GNAS-AS1: variants seen among roughly 807,000 people sequenced by gnomAD.
GNAS-AS1 encodes the protein GNAS antisense RNA 1 (non-protein coding).
rs1217574440 is a variant in GNAS-AS1 at position 58,848,970 on chromosome 20, T to C, written n.375-53A>G. ...AAGGGGGAATATCAGGGTTAAATAC[T>C]GGGATTTATTCTTCCTAGTCTTAAT... On this transcript the variant is annotated intron_variant and non_coding_transcript_variant, in intron 1 of 4. Transcript: ENST00000424094. 5 of 398,466 alleles carry C rather than the reference T, an allele frequency of 1.3e-5. No individual in the cohort carries two copies. The East Asian group carries it at 1.4e-4, about 11-fold the overall frequency. The allele number at this position is 398,466 out of a possible 1,614,324, so 24.7% of individuals were successfully genotyped here.
At chr20:58,829,312 G>A (rs2085540071) in intron 4 of GNAS-AS1, among the ~76,000 whole-genome samples, 2 of 152,148 alleles carry the variant, frequency 1.3e-5, no homozygotes, top group South Asian at 2.1e-4. Context: ...CACCTCCCTA[G>A]ACCCAGCTAC....
chr20:58,820,510 C>T (rs2085478807), intron 4 of GNAS-AS1, among the ~76,000 whole-genome samples: 1 of 152,224 alleles, frequency 6.6e-6, no homozygotes, highest in Admixed American at 6.5e-5. Flanking sequence ...ACTAGTGAAC[C>T]TTCTCTACAC....
At position 58,840,713 on chromosome 20, in the gene GNAS-AS1, G is replaced by A; in HGVS notation, n.819+1224C>T. ...CAAGCCCGAGGACAAAGATCCAAGG[G>A]ACCCCGAAGAGTCGAAGGAGCCCAA... On this transcript the variant is annotated intron_variant and non_coding_transcript_variant, in intron 4 of 4. Coordinates refer to ENST00000424094, the Ensembl canonical transcript of GNAS-AS1. This position sits in a 1 kb window ranked among gnomAD's most constrained non-coding sequence, Gnocchi z 6.0. The A allele has an allele frequency of 6.2e-7, 1 of 1,603,782 alleles. No homozygotes were observed. Among genetic ancestry groups the A allele is most frequent in the Non-Finnish European group, 8.5e-7 (1 of 1,179,546 alleles).
rs1002304696 is a variant in GNAS-AS1, at chr20:58,840,111, A to T, written n.819+1826T>A. 6.2e-7 allele frequency: 1 copy of T among 1,610,674 alleles called. No homozygotes were observed. Among genetic ancestry groups the T allele is most frequent in the Non-Finnish European group, 8.5e-7 (1 of 1,179,892 alleles). On this transcript the variant is annotated intron_variant and non_coding_transcript_variant, in intron 4 of 4. Coordinates refer to ENST00000424094, the Ensembl canonical transcript of GNAS-AS1. The surrounding 1 kb of genome is among the most constrained non-coding windows in gnomAD (Gnocchi z 6.0). Reference sequence around the variant, plus strand: ...TCTCGGTGTGTGCCTAAGAGGATGGATCGGAGGTCCCGGGCTCAGCAGTGG... The same window carrying T: ...TCTCGGTGTGTGCCTAAGAGGATGGTTCGGAGGTCCCGGGCTCAGCAGTGG...
At chr20:58,822,577 C>A (rs1291784789) in intron 4 of GNAS-AS1, among the ~76,000 whole-genome samples, 1 of 152,204 alleles carries the variant, frequency 6.6e-6, no homozygotes, top group East Asian at 1.9e-4. Flanking sequence ...TCGAAACATA[C>A]CATGTATCTG....
At chr20:58,847,369 G>A (rs1169720991) in intron 2 of GNAS-AS1, among the ~76,000 whole-genome samples, 1 of 152,250 alleles carries the variant, frequency 6.6e-6, no homozygotes, top group South Asian at 2.1e-4. Context: ...GCAGATAGCA[G>A]TATGCTGCTG....
chr20:58,837,782 A>G (rs1206872880), intron 4 of GNAS-AS1, among the ~76,000 whole-genome samples: 1 of 152,208 alleles, frequency 6.6e-6, no homozygotes, highest in Non-Finnish European at 1.5e-5. Flanking sequence ...ACAGAGTGCA[A>G]GATACAAGCT....
At chr20:58,826,094 C>G (rs1038876531) in intron 4 of GNAS-AS1, 1 of 398,534 alleles carries the variant, frequency 2.5e-6, no homozygotes, top group Non-Finnish European at 4.4e-6. Flanking sequence ...GTTCACCCAA[C>G]TGCATAAGTG....
exon 1 of GNAS-AS1, chr20:58,850,721 G>C: frequency 2.5e-6 from 1 of 398,846 alleles, no homozygotes; most frequent in Non-Finnish European, 4.4e-6. Context: ...ACACACCCAA[G>C]GGTTGGCCCC....
chr20:58,844,237 G>A lies in GNAS-AS1; in HGVS notation n.414-1692C>T, dbSNP rs561476127. 1.1e-4 allele frequency among the ~76,000 whole-genome samples: 17 copies of A among 152,318 alleles called. No individual in the cohort carries two copies. In the South Asian group the frequency reaches 3.5e-3, roughly 32 times the overall value. ...TCTCCTAACTGCTTACCTGGAAGGT[G>A]ACCTATCACAAAAACCAAATCACTA... On this transcript the variant is annotated intron_variant and non_coding_transcript_variant, in intron 2 of 4. Transcript: ENST00000424094.
chr20:58,837,144 T>C (rs1416211117), intron 4 of GNAS-AS1, among the ~76,000 whole-genome samples: 1 of 152,162 alleles, frequency 6.6e-6, no homozygotes, highest in Admixed American at 6.5e-5. Flanking sequence ...TCAAAGGGCA[T>C]TTACTAGCAC....
intron 4 of GNAS-AS1, among the ~76,000 whole-genome samples, chr20:58,835,106 A>G (rs1048128545): frequency 6.6e-6 from 1 of 151,570 alleles, no homozygotes; most frequent in Non-Finnish European, 1.5e-5. Flanking sequence ...GGGAGGGGCC[A>G]ATACCAAATT....
In GNAS-AS1 at chr20:58,840,838, T is replaced by C. The variant is rs780175640; in HGVS notation, n.819+1099A>G. 6.2e-7 allele frequency: 1 copy of C among 1,612,762 alleles called. No homozygotes were observed. The highest frequency in any genetic ancestry group is 1.1e-5 in the South Asian group (1 of 91,068). ...AAAAGGGACCCATCCCCATCCGGCG[T>C]CACTAATGGAGGACGCCGTCCAGAT... On this transcript the variant is annotated intron_variant and non_coding_transcript_variant, in intron 4 of 4. Coordinates refer to ENST00000424094, the Ensembl canonical transcript of GNAS-AS1. This position sits in a 1 kb window ranked among gnomAD's most constrained non-coding sequence, Gnocchi z 6.0.
chr20:58,820,665 C>T (rs975778593), intron 4 of GNAS-AS1, among the ~76,000 whole-genome samples: 7 of 152,270 alleles, frequency 4.6e-5, no homozygotes, highest in African/African-American at 1.7e-4. Context: ...TTCCATGTGA[C>T]TGGGGAAGCC....
chr20:58,830,747 C>T (rs921900656), intron 4 of GNAS-AS1, among the ~76,000 whole-genome samples: 7 of 150,234 alleles, frequency 4.7e-5, no homozygotes, highest in Admixed American at 6.6e-5. Flanking sequence ...GCACCATCAC[C>T]GCCACCAGGC....
chr20:58,830,356 T>C (rs1215757013), intron 4 of GNAS-AS1, among the ~76,000 whole-genome samples: 84 of 36,984 alleles, frequency 2.3e-3, no homozygotes, highest in Non-Finnish European at 2.8e-3. Context: ...CACACCACCA[T>C]CACCACCACC....
chr20:58,838,350 A>G (rs1057275522), intron 4 of GNAS-AS1, among the ~76,000 whole-genome samples: 9 of 152,182 alleles, frequency 5.9e-5, no homozygotes, highest in African/African-American at 2.2e-4. Flanking sequence ...AGCCTTGCAG[A>G]GTACAACAAC....
At chr20:58,839,603 T>G in intron 4 of GNAS-AS1, 1 of 410,222 alleles carries the variant, frequency 2.4e-6, no homozygotes. Context: ...TCCTGCCACC[T>G]GCCGGCCCAC....
At chr20:58,823,114 C>T (rs565090916) in intron 4 of GNAS-AS1, among the ~76,000 whole-genome samples, 14 of 152,318 alleles carry the variant, frequency 9.2e-5, no homozygotes, top group South Asian at 4.1e-4. Context: ...TATCTAGCCA[C>T]GGCAATGCAG....
Sources: allele counts gnomAD v4.1 joint callset (sites outside exome capture counted in the v4.1 genomes callset), GRCh38; gene constraint gnomAD v4.1.1; non-coding constraint Gnocchi (gnomAD v3.1); transcripts MANE v1.5; gene names NCBI Gene and HGNC (gene_info 2026-07-23, HGNC 2026-07-21).